PPP4R3B: variants seen among roughly 807,000 people sequenced by gnomAD.
The protein encoded by PPP4R3B is serine/threonine-protein phosphatase 4 regulatory subunit 3B.
Under a neutral mutation model 95.4 loss-of-function variants are expected in PPP4R3B, and 52 were observed. The ratio of observed to expected loss-of-function variants is 0.54; its 90% CI spans 0.44 to 0.69. The LOEUF is 0.69. PPP4R3B is among the 30% of genes least tolerant of loss of function. PPP4R3B has a pLI of 0.00. For synonymous variants in PPP4R3B, 407 were observed against 343.9 expected (o/e 1.18, Z -2.03); for missense variants, 1,003 against 1,005.9 (o/e 1.00, Z 0.04).
intron 2 of PPP4R3B, among the ~76,000 whole-genome samples, chr2:55,611,106 C>T (rs1414309862): frequency 6.6e-6 from 1 of 152,096 alleles, no homozygotes; most frequent in Non-Finnish European, 1.5e-5. Flanking sequence ...AAGTGATCCT[C>T]CTGCCTCAGC....
intron 16 of PPP4R3B, among the ~76,000 whole-genome samples, chr2:55,556,713 T>C (rs1685890634): frequency 6.6e-6 from 1 of 152,148 alleles, no homozygotes; most frequent in Non-Finnish European, 1.5e-5. Flanking sequence ...TTACATTTGT[T>C]AAATAATTTA....
At chr2:55,558,720 A>ATC in intron 16 of PPP4R3B, 55 bp downstream of exon 16, 9 of 1,335,486 alleles carry the variant, frequency 6.7e-6, no homozygotes, top group Non-Finnish European at 9.0e-6. Context: ...AGTAAACATG[A>ATC]AAAAATCTCA....
rs751153895 is a variant in PPP4R3B, at chr2:55,558,798, G to C, written c.2431C>G (p.Pro811Ala). Residue 811 changes from proline to alanine, a missense_variant, in exon 16 of 17, where the codon CCT becomes GCT. Pro to Ala is a conservative substitution (Grantham distance 27). Around this residue, in one of 3 missense-constraint regions of PPP4R3B, gnomAD observed 229 missense variants for 194.7 expected, o/e 1.18. Coordinates refer to ENST00000616407, the MANE Select transcript of PPP4R3B (RefSeq NM_001122964.3). ...NGSSSKTTNLPTSVTATKGSL... is the reference protein window; with the variant it reads ...NGSSSKTTNLATSVTATKGSL... ...ACCTTGGTGGCTGTTACTGACGTAG[G>C]CAAGTTTGTGGTTTTGGAAGAGGAT... The C allele has an allele frequency of 6.2e-7, 1 of 1,611,092 alleles. No homozygotes were observed. The highest frequency in any genetic ancestry group is 1.7e-4 in the Middle Eastern group (1 of 6,046).
chr2:55,549,592 T>TA lies in PPP4R3B; in HGVS notation c.*318dup. On this transcript the variant is annotated 3_prime_UTR_variant, in exon 17 of 17. Transcript: ENST00000616407. ...ACCCCGAGGAGCAACCCTGCATTAT[T>TA]ATATCAACCTTTTCCCCTCCCCTAA... 7.7e-6 allele frequency: 2 copies of TA among 259,580 alleles called. No individual in the cohort carries two copies. Among genetic ancestry groups the TA allele is most frequent in the Non-Finnish European group, 1.5e-5 (2 of 137,174 alleles). The allele number at this position is 259,580 out of a possible 1,614,324, so 16.1% of individuals were successfully genotyped here.
chr2:55,609,681 A>G (rs962541118), intron 2 of PPP4R3B, among the ~76,000 whole-genome samples: 2 of 149,320 alleles, frequency 1.3e-5, no homozygotes, highest in South Asian at 2.1e-4. Flanking sequence ...AAAAAAAAAA[A>G]CAAAAAAAAC....
At position 55,573,071 on chromosome 2, in the gene PPP4R3B, C is replaced by T. The variant is rs182575713; in HGVS notation, c.1765+548G>A. ...AAATAATGCAGACAGTTAACACTGG[C>T]TATTTTAAGTCCATAAAAATAAAGA... On this transcript the variant is annotated intron_variant, in intron 12 of 16. Transcript: ENST00000616407. 7.6e-3 allele frequency among the ~76,000 whole-genome samples: 1,159 copies of T among 152,114 alleles called. 11 individuals carry two copies. The highest frequency in any genetic ancestry group is 0.012 in the Non-Finnish European group (842 of 67,988).
rs771642869 is a variant in PPP4R3B, at chr2:55,598,428, G to A, written c.909C>T (p.Val303=). The A allele has an allele frequency of 6.2e-7, 1 of 1,613,382 alleles. No homozygotes were observed. Among genetic ancestry groups the A allele is most frequent in the Admixed American group, 1.7e-5 (1 of 59,860 alleles). ...TCTTTTTACTTACCTGCAACATGCT[G>A]ACTATCTCAACTTTGTTGAAGAAAA... The part of the protein sequence containing the change: ...SFIFFNKVEI[V]SMLQEDEKFL... The change falls in exon 4 of 17, where the codon GTC becomes GTT. Residue 303 remains valine, a synonymous_variant. Transcript: ENST00000616407.
chr2:55,555,278 T>TAAAAAA (rs372423262), intron 16 of PPP4R3B, among the ~76,000 whole-genome samples: 25 of 108,670 alleles, frequency 2.3e-4, no homozygotes, highest in Non-Finnish European at 2.9e-4. Flanking sequence ...AGACTCCGTC[T>TAAAAAA]AAAAAAAAAA....
chr2:55,567,171 T>C (rs1010196689), intron 13 of PPP4R3B, among the ~76,000 whole-genome samples: 3 of 152,214 alleles, frequency 2.0e-5, no homozygotes, highest in Admixed American at 1.3e-4. Flanking sequence ...GCCCTCCAGA[T>C]TGTTTATGAC....
intron 16 of PPP4R3B, 57 bp from the exon 17 acceptor site, chr2:55,550,063 A>G (rs760927925): frequency 1.0e-5 from 11 of 1,073,320 alleles, no homozygotes; most frequent in African/African-American, 9.8e-5. Context: ...AAGAGCTTTT[A>G]GTACAAATAC....
intron 11 of PPP4R3B, among the ~76,000 whole-genome samples, chr2:55,576,248 C>T (rs1040544090): frequency 2.0e-5 from 3 of 152,172 alleles, no homozygotes; most frequent in Non-Finnish European, 2.9e-5. Context: ...ACTTGGGAGG[C>T]TGAGGCGGGA....
At chr2:55,582,780 T>C (rs1173015188) in intron 7 of PPP4R3B, among the ~76,000 whole-genome samples, 1 of 152,108 alleles carries the variant, frequency 6.6e-6, no homozygotes, top group Non-Finnish European at 1.5e-5. Flanking sequence ...TGTTACCATA[T>C]CTAAAAAATT....
At chr2:55,551,675 C>T (rs903979469) in intron 16 of PPP4R3B, among the ~76,000 whole-genome samples, 3 of 151,626 alleles carry the variant, frequency 2.0e-5, no homozygotes, top group African/African-American at 4.8e-5. Context: ...TGCTTGAACC[C>T]GGGAGGCAGA....
intron 13 of PPP4R3B, chr2:55,565,834 G>A (rs569270849): frequency 1.2e-5 from 2 of 165,562 alleles, no homozygotes; most frequent in African/African-American, 2.4e-5. Flanking sequence ...CCACATCAGA[G>A]GCTGGCTTTC....
At position 55,588,859 on chromosome 2, in the gene PPP4R3B, G is replaced by A. The variant is rs1400665739; in HGVS notation, c.999+20C>T. ...CCAAAAGAATAAGTGCTCTTTAAGA[G>A]TTTGAATTTCATAACTTACCAATTC... On this transcript the variant is annotated intron_variant, in intron 5 of 16. Transcript: ENST00000616407. The A allele has an allele frequency of 7.7e-6, 12 of 1,557,636 alleles. No homozygotes were observed. The East Asian group carries it at 2.7e-4, about 35-fold the overall frequency.
At chr2:55,553,172 A>G (rs1685441311) in intron 16 of PPP4R3B, among the ~76,000 whole-genome samples, 2 of 152,226 alleles carry the variant, frequency 1.3e-5, no homozygotes, top group African/African-American at 4.8e-5. Context: ...TCATGACTTT[A>G]GGCAAAGTAA....
chr2:55,609,988 C>T (rs937053345), intron 2 of PPP4R3B, among the ~76,000 whole-genome samples: 8 of 152,080 alleles, frequency 5.3e-5, no homozygotes, highest in Admixed American at 2.0e-4. Flanking sequence ...ATATTACACA[C>T]TAAAAAAAAT....
intron 4 of PPP4R3B, among the ~76,000 whole-genome samples, chr2:55,594,077 G>A (rs960011955): frequency 2.0e-5 from 3 of 152,064 alleles, no homozygotes; most frequent in Non-Finnish European, 2.9e-5. Flanking sequence ...ATCATATATC[G>A]CATGTTCTCA....
At position 55,604,019 on chromosome 2, in the gene PPP4R3B, C is replaced by T. The variant is rs1396133141; in HGVS notation, c.256G>A (p.Glu86Lys). 6.2e-7 allele frequency: 1 copy of T among 1,610,988 alleles called. No homozygotes were observed. Among genetic ancestry groups the T allele is most frequent in the Non-Finnish European group, 8.5e-7 (1 of 1,178,844 alleles). Residue 86 changes from glutamate (E) to lysine (K), a missense_variant, in exon 3 of 17, where the codon GAG becomes AAG. Glu to Lys is a moderately conservative substitution (Grantham distance 56). Transcript: ENST00000616407. ...CAGATCTCATCACAGCCAGCTTTCT[C>T]CTGAAAACTCAGAGCCAAATCATAG... is the stretch of plus-strand genomic sequence containing the variant. ...ENYDLALSFQ[E>K]KAGCDEIWEK... is the part of the protein sequence containing the mutation.
Sources: gnomAD v4.1 joint callset for allele counts (sites outside exome capture counted in the v4.1 genomes callset) on GRCh38, gnomAD v4.1.1 for gene constraint, gnomAD v4.1.1 regional missense constraint, MANE v1.5 for transcripts, NCBI Gene and HGNC (gene_info 2026-07-23, HGNC 2026-07-21) for gene names.